The following DGKB variants were observed in gnomAD, a reference collection of about 807,000 sequenced individuals.
The protein encoded by DGKB is diacylglycerol kinase beta, also known as 90 kDa diacylglycerol kinase.
In DGKB, 67 loss-of-function variants were observed where a neutral mutation model predicts 114.3. The observed-to-expected ratio is 0.59, with a 90% CI of 0.48 to 0.72. DGKB has a LOEUF of 0.72. Among genes scored for constraint, DGKB ranks in the 30% least tolerant of loss-of-function variants. DGKB has a pLI of 0.00. For synonymous variants in DGKB, 398 were observed against 323.1 expected, an observed-to-expected ratio of 1.23 and a Z score of -2.49; for missense variants, 907 against 975.2, an observed-to-expected ratio of 0.93 and a Z score of 0.93.
chr7:14,863,211 G>C (rs756092883), intron 1 of DGKB, among the ~76,000 whole-genome samples: 1 of 151,626 alleles, frequency 6.6e-6, no homozygotes, highest in Non-Finnish European at 1.5e-5. Flanking sequence ...AATTGTGTGT[G>C]TGTGAGTTTG....
intron 13 of DGKB, among the ~76,000 whole-genome samples, chr7:14,671,532 G>T (rs529653222): frequency 6.6e-6 from 1 of 152,168 alleles, no homozygotes; most frequent in South Asian, 2.1e-4. Flanking sequence ...CGTAACACAC[G>T]CTCTTTACAT....
intron 21 of DGKB, among the ~76,000 whole-genome samples, chr7:14,405,761 T>G (rs1192297945): frequency 6.6e-6 from 1 of 151,974 alleles, no homozygotes; most frequent in Non-Finnish European, 1.5e-5. Flanking sequence ...GCACAGCTTT[T>G]AAGAGATGAT....
chr7:14,679,723 T>G (rs748250661), intron 12 of DGKB, among the ~76,000 whole-genome samples: 1 of 152,000 alleles, frequency 6.6e-6, no homozygotes, highest in Non-Finnish European at 1.5e-5. Context: ...AGAAAGTACA[T>G]TCAGTTGTTT....
intron 21 of DGKB, among the ~76,000 whole-genome samples, chr7:14,465,247 T>C (rs1833657953): frequency 6.7e-6 from 1 of 148,970 alleles, no homozygotes; most frequent in Non-Finnish European, 1.5e-5. Flanking sequence ...GGATATTTCA[T>C]ATTAACATTA....
intron 13 of DGKB, among the ~76,000 whole-genome samples, chr7:14,671,459 T>C (rs942190236): frequency 3.3e-5 from 5 of 152,176 alleles, no homozygotes; most frequent in Admixed American, 6.5e-5. Context: ...ATCTTCAGAA[T>C]AAAAACTGTC....
At chr7:14,550,352 T>A (rs1290820329) in intron 20 of DGKB, among the ~76,000 whole-genome samples, 2 of 152,170 alleles carry the variant, frequency 1.3e-5, no homozygotes, top group Non-Finnish European at 2.9e-5. Context: ...TGCAATGAAA[T>A]TTTATGAGTA....
intron 21 of DGKB, among the ~76,000 whole-genome samples, chr7:14,412,819 T>C (rs1825109378): frequency 6.6e-6 from 1 of 151,850 alleles, no homozygotes; most frequent in African/African-American, 2.4e-5. Context: ...CCATCTCTAC[T>C]AAAAGTACAA....
intron 21 of DGKB, among the ~76,000 whole-genome samples, chr7:14,379,206 CATT>C (rs1583513994): frequency 6.6e-6 from 1 of 152,058 alleles, no homozygotes; most frequent in African/African-American, 2.4e-5. Flanking sequence ...TTTCTTGTCT[CATT>C]ATGCTGAATT....
At chr7:14,664,251 C>G (rs1817647066) in intron 13 of DGKB, among the ~76,000 whole-genome samples, 1 of 151,918 alleles carries the variant, frequency 6.6e-6, no homozygotes, top group South Asian at 2.1e-4. Flanking sequence ...GAAATCACAT[C>G]AAATCCTAAT....
At chr7:14,825,343 T>C (rs764865698) in intron 2 of DGKB, among the ~76,000 whole-genome samples, 19 of 152,084 alleles carry the variant, frequency 1.2e-4, no homozygotes, top group Non-Finnish European at 2.6e-4. Flanking sequence ...TATTATTTCA[T>C]TGTAATATGT....
At chr7:14,725,801 G>C (rs993462132) in intron 5 of DGKB, among the ~76,000 whole-genome samples, 1 of 152,060 alleles carries the variant, frequency 6.6e-6, no homozygotes. Flanking sequence ...CTGTACCTCA[G>C]CCTCCCAAAG....
At chr7:14,309,779 C>T (rs1805067106) in intron 23 of DGKB, among the ~76,000 whole-genome samples, 1 of 152,134 alleles carries the variant, frequency 6.6e-6, no homozygotes, top group African/African-American at 2.4e-5. Context: ...AATACCAGCA[C>T]AACTGGGACA....
At chr7:14,617,296 G>A (rs1409533880) in intron 15 of DGKB, among the ~76,000 whole-genome samples, 4 of 151,550 alleles carry the variant, frequency 2.6e-5, no homozygotes, top group Non-Finnish European at 1.5e-5. Flanking sequence ...CTCAGTCAAT[G>A]GCAATTTCAT....
At chr7:14,740,103 C>T (rs948231267) in intron 4 of DGKB, among the ~76,000 whole-genome samples, 3 of 152,260 alleles carry the variant, frequency 2.0e-5, no homozygotes, top group Non-Finnish European at 2.9e-5. Flanking sequence ...CAGCGTTCCC[C>T]GCCATGCATC....
intron 21 of DGKB, among the ~76,000 whole-genome samples, chr7:14,467,189 T>G (rs1299968987): frequency 6.7e-6 from 1 of 149,392 alleles, no homozygotes; most frequent in Non-Finnish European, 1.5e-5. Context: ...TATAATTATT[T>G]TATTACTTAC....
intron 23 of DGKB, among the ~76,000 whole-genome samples, chr7:14,195,556 C>T (rs1700329248): frequency 6.6e-6 from 1 of 152,186 alleles, no homozygotes; most frequent in African/African-American, 2.4e-5. Context: ...CATATGACTA[C>T]ACGGTCTTTA....
At chr7:14,419,390 G>C (rs886330737) in intron 21 of DGKB, among the ~76,000 whole-genome samples, 50 of 151,862 alleles carry the variant, frequency 3.3e-4, no homozygotes, top group African/African-American at 1.1e-3. Context: ...CCAATTCTCA[G>C]TCAACTGTAA....
chr7:14,747,832 A>AT (rs1833576198), intron 4 of DGKB, among the ~76,000 whole-genome samples: 1 of 151,020 alleles, frequency 6.6e-6, no homozygotes, highest in East Asian at 2.0e-4. Flanking sequence ...CTGCTTTCTC[A>AT]TTTTTTTCCT....
chr7:14,435,383 C>G (rs1829086842), intron 21 of DGKB, among the ~76,000 whole-genome samples: 1 of 151,998 alleles, frequency 6.6e-6, no homozygotes, highest in African/African-American at 2.4e-5. Context: ...ACACAGGCTC[C>G]AGTTCAGTTC....
Sources: gnomAD v4.1 joint callset for allele counts (sites outside exome capture counted in the v4.1 genomes callset) on GRCh38, gnomAD v4.1.1 for gene constraint, MANE v1.5 for transcripts, NCBI Gene and HGNC (gene_info 2026-07-23, HGNC 2026-07-21) for gene names.